Variants in ABHD18 observed in about 807,000 individuals in gnomAD.
ABHD18 encodes cardiolipin-specific deacylase, mitochondrial.
Under a neutral mutation model 65.9 loss-of-function variants are expected in ABHD18, and 55 were observed. The ratio of observed to expected loss-of-function variants is 0.84; its 90% CI spans 0.67 to 1.05. The LOEUF is 1.05. Among genes scored for constraint, ABHD18 ranks in the 50% least tolerant of loss-of-function variants. The pLI, the probability that ABHD18 is intolerant of heterozygous loss-of-function variation, is 0.00. For synonymous variants in ABHD18, 181 were observed against 180.2 expected (o/e 1.00, Z -0.04); for missense variants, 533 against 558.5 (o/e 0.95, Z 0.46).
intron 4 of ABHD18, among the ~76,000 whole-genome samples, chr4:128,003,520 A>G (rs1753047043): frequency 6.6e-6 from 1 of 152,098 alleles, no homozygotes; most frequent in Admixed American, 6.5e-5. Flanking sequence ...TAAAAAAAAG[A>G]TAGAAAAGAA....
chr4:128,006,578 T>A (rs556105401), intron 4 of ABHD18, among the ~76,000 whole-genome samples: 6 of 152,278 alleles, frequency 3.9e-5, no homozygotes, highest in Admixed American at 1.3e-4. Flanking sequence ...AGAATTGAGG[T>A]TTTATGTTGC....
intron 10 of ABHD18, among the ~76,000 whole-genome samples, chr4:128,025,793 A>G (rs1029253139): frequency 7.9e-5 from 12 of 152,186 alleles, no homozygotes; most frequent in East Asian, 1.9e-4. Flanking sequence ...TTTTTTGTCA[A>G]CTGGCACTGG....
intron 4 of ABHD18, among the ~76,000 whole-genome samples, chr4:127,994,511 T>C (rs1433620377): frequency 6.6e-6 from 1 of 152,008 alleles, no homozygotes; most frequent in African/African-American, 2.4e-5. Flanking sequence ...CGCTTGAACC[T>C]GGAAGGCGAA....
At chr4:127,986,386 C>A (rs1749959283) in intron 3 of ABHD18, among the ~76,000 whole-genome samples, 1 of 152,184 alleles carries the variant, frequency 6.6e-6, no homozygotes, top group South Asian at 2.1e-4. Flanking sequence ...TCAGAACATT[C>A]AAGAAAAACT....
In ABHD18 at chr4:128,028,628, A is replaced by G. The variant is rs1402514819; in HGVS notation, c.955A>G (p.Lys319Glu). 1 of 1,613,796 alleles carries G rather than the reference A, an allele frequency of 6.2e-7. No individual in the cohort carries two copies. The highest frequency in any genetic ancestry group is 8.5e-7 in the Non-Finnish European group (1 of 1,179,876). Residue 319 changes from lysine to glutamate, a missense_variant, in exon 11 of 13, where the codon AAA (lysine) becomes GAA (glutamate). This residue lies in a region of ABHD18 where 220 missense variants were observed against 226.8 expected (regional missense o/e 0.97). Coordinates refer to ENST00000645843, the MANE Select transcript of ABHD18 (RefSeq NM_001358451.3). ...ACCTGCTGACTGCCATAATTCTAGC[A>G]AAACATCTGTCAGTGCGACATCAGA... ...QKPADCHNSS[K>E]TSVSATSEGL...
intron 1 of ABHD18, among the ~76,000 whole-genome samples, chr4:127,968,607 G>A (rs887474076): frequency 6.6e-6 from 1 of 152,192 alleles, no homozygotes. Flanking sequence ...TGTCACTTTA[G>A]CAATAGAACT....
intron 12 of ABHD18, among the ~76,000 whole-genome samples, chr4:128,034,249 G>C (rs991200995): frequency 6.6e-6 from 1 of 152,000 alleles, no homozygotes; most frequent in East Asian, 1.9e-4. Flanking sequence ...AAGCCACCGC[G>C]CCTGGCCTAG....
At position 128,024,427 on chromosome 4, in the gene ABHD18, T is replaced by C. The variant is rs142352480; in HGVS notation, c.801+3189T>C. Among the ~76,000 whole-genome samples, 246 of 152,304 alleles carry C rather than the reference T, an allele frequency of 1.6e-3. 2 individuals carry two copies. Among genetic ancestry groups the C allele is most frequent in the African/African-American group, 5.6e-3 (232 of 41,570 alleles). ...AACTTTGGGGGACATATTTAAACCATAGCGGTAGTCTTATTTGGCACTTCT... is the reference window on the plus strand; with the variant it reads ...AACTTTGGGGGACATATTTAAACCACAGCGGTAGTCTTATTTGGCACTTCT... On this transcript the variant is annotated intron_variant, in intron 10 of 12. Transcript: ENST00000645843.
intron 1 of ABHD18, among the ~76,000 whole-genome samples, chr4:127,982,040 C>T (rs1045720702): frequency 6.6e-6 from 1 of 151,942 alleles, no homozygotes; most frequent in Non-Finnish European, 1.5e-5. Flanking sequence ...TTAAGTTGGT[C>T]TTGCAGGTTA....
intron 4 of ABHD18, among the ~76,000 whole-genome samples, chr4:128,007,640 C>T (rs946718231): frequency 6.0e-5 from 9 of 150,946 alleles, no homozygotes; most frequent in Non-Finnish European, 1.0e-4. Flanking sequence ...ACTTGGGAGG[C>T]TGAAGTGGGA....
intron 1 of ABHD18, among the ~76,000 whole-genome samples, chr4:127,981,975 A>G (rs1749137340): frequency 6.6e-6 from 1 of 152,210 alleles, no homozygotes; most frequent in Non-Finnish European, 1.5e-5. Flanking sequence ...ATCAACTTAA[A>G]TGCCAGCCCA....
Position 128,025,905 on chromosome 4 carries a change from C to G in ABHD18, c.802-2570C>G, listed in dbSNP as rs1757272628. On this transcript the variant is annotated intron_variant, in intron 10 of 12. Coordinates refer to ENST00000645843, the MANE Select transcript of ABHD18 (RefSeq NM_001358451.3). ...GGGCACGACGGCTCACACATGTAATCCCAGCACTTTGGGAGGCCGAGGTGG... is the reference window on the plus strand; with the variant it reads ...GGGCACGACGGCTCACACATGTAATGCCAGCACTTTGGGAGGCCGAGGTGG... Among the ~76,000 whole-genome samples, 3 of 152,178 alleles carry G rather than the reference C, an allele frequency of 2.0e-5. No homozygotes were observed. The South Asian group carries it at 6.2e-4, about 31-fold the overall frequency.
intron 9 of ABHD18, among the ~76,000 whole-genome samples, chr4:128,020,772 G>A (rs1342269517): frequency 2.0e-5 from 3 of 152,156 alleles, no homozygotes; most frequent in East Asian, 1.9e-4. Flanking sequence ...GGTGGCTCAC[G>A]CCTGTAATCC....
intron 10 of ABHD18, among the ~76,000 whole-genome samples, chr4:128,022,158 A>G (rs1217888996): frequency 1.3e-5 from 2 of 152,210 alleles, no homozygotes; most frequent in East Asian, 1.9e-4. Flanking sequence ...CAGCAAGCCA[A>G]CATGGCACAT....
At chr4:128,014,647 A>G (rs1302857621) in intron 7 of ABHD18, among the ~76,000 whole-genome samples, 2 of 152,164 alleles carry the variant, frequency 1.3e-5, no homozygotes, top group African/African-American at 4.8e-5. Context: ...TGGCTTACTG[A>G]CTGGGTGCAG....
At chr4:128,019,030 A>AAAG (rs1230202142) in intron 8 of ABHD18, among the ~76,000 whole-genome samples, 2 of 151,994 alleles carry the variant, frequency 1.3e-5, no homozygotes, top group African/African-American at 4.8e-5. Context: ...AAAAAAAAAA[A>AAAG]AAATTCAAAA....
At chr4:127,969,942 T>A (rs1453715328) in intron 1 of ABHD18, among the ~76,000 whole-genome samples, 3 of 151,808 alleles carry the variant, frequency 2.0e-5, no homozygotes, top group African/African-American at 7.3e-5. Context: ...AGAGACAGGG[T>A]CTCATTGTGT....
intron 4 of ABHD18, among the ~76,000 whole-genome samples, chr4:127,998,758 G>T (rs528875827): frequency 5.3e-5 from 8 of 152,144 alleles, no homozygotes; most frequent in African/African-American, 1.7e-4. Flanking sequence ...AAAAGGCAAA[G>T]AACTAAATAA....
intron 4 of ABHD18, chr4:128,001,815 A>G: frequency 6.7e-7 from 1 of 1,485,864 alleles, no homozygotes; most frequent in South Asian, 1.3e-5. Flanking sequence ...GTATATCCTT[A>G]GTGGTTAGAT....
Sources: gnomAD v4.1 joint callset for allele counts (sites outside exome capture counted in the v4.1 genomes callset) on GRCh38, gnomAD v4.1.1 for gene constraint, gnomAD v4.1.1 regional missense constraint, MANE v1.5 for transcripts, NCBI Gene and HGNC (gene_info 2026-07-23, HGNC 2026-07-21) for gene names.